The following MAPK8IP3 variants were observed in gnomAD, a reference collection of about 807,000 sequenced individuals.
MAPK8IP3 encodes the protein mitogen-activated protein kinase 8 interacting protein 3.
A neutral mutation model predicts 157.8 loss-of-function variants in MAPK8IP3; 49 were observed. That is an observed-to-expected ratio of 0.31 (90% confidence interval 0.25 to 0.39). The LOEUF (loss-of-function observed/expected upper bound fraction) is 0.39. MAPK8IP3 is among the 10% of genes least tolerant of loss of function. The pLI is 1.00. For synonymous variants in MAPK8IP3, 897 were observed against 777.7 expected (o/e 1.15, Z -2.55); for missense variants, 1,478 against 1,889.4 (o/e 0.78, Z 4.04).
intron 13 of MAPK8IP3, 91 bp downstream of exon 13, chr16:1,761,396 T>TGACCACCATTCACCATTCACAGGCAGAGC (rs1567200568): frequency 7.4e-5 from 75 of 1,008,956 alleles, no homozygotes; most frequent in Non-Finnish European, 9.5e-5. Flanking sequence ...ACACACAGGG[T>TGACCACCATTCACCATTCACAGGCAGAGC]GACCACCATT....
intron 1 of MAPK8IP3, among the ~76,000 whole-genome samples, chr16:1,718,601 C>G (rs1273295336): frequency 1.3e-5 from 2 of 151,706 alleles, no homozygotes; most frequent in Non-Finnish European, 2.9e-5. Context: ...CAAGAGCAGC[C>G]TGGCCAACAT....
Position 1,763,737 on chromosome 16 carries a change from G to GC in MAPK8IP3, c.1981dup (p.Arg661ProfsTer63). The stretch of plus-strand genomic sequence containing the variant: ...CGTGAGCACGTGCGTAACGACGACG[G>GC]CCGTCTGCAGGCCTGCGGCTGGAGC... On this transcript the variant is annotated frameshift_variant, in exon 17 of 32. Coordinates refer to ENST00000610761, the MANE Select transcript of MAPK8IP3 (RefSeq NM_001318852.2). LOFTEE classifies it high-confidence loss of function. 6.3e-7 allele frequency: 1 copy of GC among 1,592,972 alleles called. No individual in the cohort carries two copies. Among genetic ancestry groups the GC allele is most frequent in the East Asian group, 2.3e-5 (1 of 43,562 alleles).
chr16:1,759,818 G>C (rs188472736), intron 10 of MAPK8IP3, 140 bp from the exon 11 acceptor site: 9 of 723,364 alleles, frequency 1.2e-5, no homozygotes, highest in Non-Finnish European at 9.6e-6. Flanking sequence ...CGCCCTTCAC[G>C]GCCCCCGCTC....
intron 31 of MAPK8IP3, 31 bp downstream of exon 31, chr16:1,768,657 T>C: frequency 6.2e-7 from 1 of 1,611,016 alleles, no homozygotes; most frequent in African/African-American, 1.3e-5. Flanking sequence ...GGGCTGAGGT[T>C]GGGCGCGGGG....
intron 8 of MAPK8IP3, among the ~76,000 whole-genome samples, chr16:1,753,586 G>A (rs2041424187): frequency 6.6e-6 from 1 of 150,864 alleles, no homozygotes; most frequent in Non-Finnish European, 1.5e-5. Context: ...GACTACAGGT[G>A]CCTGCCACCA....
chr16:1,758,225 G>T, intron 9 of MAPK8IP3, 66 bp downstream of exon 9: 1 of 1,582,382 alleles, frequency 6.3e-7, no homozygotes, highest in Non-Finnish European at 8.7e-7. Context: ...GACGGGGGAT[G>T]CCCCGAGCTA....
intron 17 of MAPK8IP3, 46 bp from the exon 18 acceptor site, chr16:1,764,069 G>A (rs1187199804): frequency 6.6e-6 from 10 of 1,523,194 alleles, no homozygotes; most frequent in Non-Finnish European, 8.9e-6. Context: ...GGAGGGATGG[G>A]TAGGAGCCAG....
At chr16:1,723,456 A>G (rs1279855259) in intron 1 of MAPK8IP3, among the ~76,000 whole-genome samples, 6 of 151,968 alleles carry the variant, frequency 3.9e-5, no homozygotes, top group Non-Finnish European at 7.4e-5. Flanking sequence ...GGCCTCTACA[A>G]AAACTTCTTT....
chr16:1,717,660 G>A (rs2038242845), intron 1 of MAPK8IP3, among the ~76,000 whole-genome samples: 2 of 152,176 alleles, frequency 1.3e-5, no homozygotes, highest in South Asian at 4.1e-4. Context: ...AGGTCTCTGG[G>A]ACCAAGATAC....
intron 4 of MAPK8IP3, among the ~76,000 whole-genome samples, chr16:1,730,879 C>T (rs1468554552): frequency 1.3e-5 from 2 of 149,954 alleles, no homozygotes; most frequent in Non-Finnish European, 3.0e-5. Flanking sequence ...GTGGCTCACA[C>T]CTGTAATCCC....
At position 1,751,091 on chromosome 16, in the gene MAPK8IP3, G is replaced by A. The variant is rs878870314; in HGVS notation, c.1216+2371G>A. The stretch of plus-strand genomic sequence containing the variant: ...TGTCATTTCCGTGGGTGGCAGCACT[G>A]ACGGGCACGGCCACCGTCGGTCCTT... On this transcript the variant is annotated intron_variant, in intron 8 of 31. Transcript: ENST00000610761. This position sits in a 1 kb window ranked among gnomAD's most constrained non-coding sequence, Gnocchi z 5.0. 6.6e-6 allele frequency among the ~76,000 whole-genome samples: 1 copy of A among 152,190 alleles called. No homozygotes were observed. Among genetic ancestry groups the A allele is most frequent in the African/African-American group, 2.4e-5 (1 of 41,458 alleles).
intron 1 of MAPK8IP3, chr16:1,708,022 G>A (rs571233660): frequency 1.3e-5 from 2 of 152,292 alleles, no homozygotes; most frequent in South Asian, 2.1e-4. Flanking sequence ...TTTGGGCTTC[G>A]TGTCTGTCGC....
At chr16:1,738,752 C>T (rs1251914000) in intron 4 of MAPK8IP3, among the ~76,000 whole-genome samples, 4 of 103,548 alleles carry the variant, frequency 3.9e-5, no homozygotes, top group African/African-American at 1.3e-4. Flanking sequence ...CATCTGTGAC[C>T]GTCCGTGTGA....
chr16:1,769,164 T>G lies in MAPK8IP3; in HGVS notation c.*340T>G. On this transcript the variant is annotated 3_prime_UTR_variant, in exon 32 of 32. Transcript: ENST00000610761. The stretch of plus-strand genomic sequence containing the variant: ...GGTCCTGGCTCTACCCTGGGCCTCC[T>G]ACTCCCCAGCACCCCTGGAGGAGGC... 1 of 316,730 alleles carries G rather than the reference T, an allele frequency of 3.2e-6. No individual in the cohort carries two copies. Among genetic ancestry groups the G allele is most frequent in the Non-Finnish European group, 6.0e-6 (1 of 165,396 alleles). 19.6% of individuals were successfully genotyped at this position (316,730 alleles called of 1,614,324 possible). A position where few individuals can be genotyped will look rare whatever the true frequency, so the allele number is the denominator to read the frequency against.
In MAPK8IP3 at chr16:1,749,142, C is replaced by T. The variant is rs554760637; in HGVS notation, c.1216+422C>T. Among the ~76,000 whole-genome samples the T allele has an allele frequency of 2.6e-5, 4 of 152,342 alleles. No homozygotes were observed. The East Asian group carries it at 7.7e-4, about 29-fold the overall frequency. On this transcript the variant is annotated intron_variant, in intron 8 of 31. Transcript: ENST00000610761. ...TTTTCTGTGAGGCTGGTTGAATCCA[C>T]ACATGCAGAACTCGTGGGTATTGAG...
At chr16:1,762,526 G>T in intron 14 of MAPK8IP3, 45 bp downstream of exon 14, 1 of 1,606,698 alleles carries the variant, frequency 6.2e-7, no homozygotes, top group South Asian at 1.1e-5. Flanking sequence ...GATCATCCCT[G>T]ACGGCAGGAC....
chr16:1,754,601 A>G (rs1463889912), intron 8 of MAPK8IP3, among the ~76,000 whole-genome samples: 3 of 152,016 alleles, frequency 2.0e-5, no homozygotes, highest in Non-Finnish European at 4.4e-5. Flanking sequence ...GTGAAACCCC[A>G]TCTCTACTAA....
In MAPK8IP3 at chr16:1,741,414, A is replaced by G. The variant is rs1001624995; in HGVS notation, c.603-1918A>G. Among the ~76,000 whole-genome samples the G allele has an allele frequency of 2.0e-5, 3 of 152,120 alleles. No homozygotes were observed. Among genetic ancestry groups the G allele is most frequent in the Non-Finnish European group, 2.9e-5 (2 of 68,006 alleles). ...TGGTGGCCTGGCTGAGCCGTGGCCC[A>G]GCATGGAGCTGTGTGGGTGGGAGAG... On this transcript the variant is annotated intron_variant, in intron 4 of 31. Transcript: ENST00000610761. This position sits in a 1 kb window ranked among gnomAD's most constrained non-coding sequence, Gnocchi z 6.9.
chr16:1,735,575 GTCCGTGTGACCATCCGTGTGAGCA>G (rs1172575698), intron 4 of MAPK8IP3, among the ~76,000 whole-genome samples: 16 of 141,352 alleles, frequency 1.1e-4, no homozygotes, highest in East Asian at 2.2e-4. Flanking sequence ...CCATGTGAGA[GTCCGTGTGACCATCCGTGTGAGCA>G]TCCGTGTGAC....
Sources: gnomAD v4.1 joint callset for allele counts (sites outside exome capture counted in the v4.1 genomes callset) on GRCh38, gnomAD v4.1.1 for gene constraint, Gnocchi (gnomAD v3.1) non-coding constraint, MANE v1.5 for transcripts, NCBI Gene and HGNC (gene_info 2026-07-23, HGNC 2026-07-21) for gene names.